The following FAM3B variants were observed in gnomAD, a reference collection of about 807,000 sequenced individuals.
FAM3B encodes protein FAM3B.
FAM3B carries 29 observed loss-of-function variants against 28.4 expected under a neutral mutation model. The ratio of observed to expected loss-of-function variants is 1.02; its 90% confidence interval spans 0.76 to 1.39. The LOEUF is 1.39. FAM3B is among the 40% of genes most tolerant of loss of function. The probability of loss-of-function intolerance (pLI) is 0.00; values close to 1 mark genes in which losing one functional copy is unlikely to be tolerated. For synonymous variants in FAM3B, 91 were observed against 103.0 expected (o/e 0.88, Z 0.71); for missense variants, 266 against 293.9 (o/e 0.91, Z 0.69).
upstream of FAM3B, among the ~76,000 whole-genome samples, chr21:41,313,500 C>G (rs9978878): frequency 6.2e-4 from 83 of 134,672 alleles, no homozygotes; most frequent in East Asian, 3.4e-3. Context: ...TGAACCTCAT[C>G]ATACAGTATG....
At chr21:41,352,615 A>G (rs1356053929) in intron 7 of FAM3B, among the ~76,000 whole-genome samples, 2 of 152,078 alleles carry the variant, frequency 1.3e-5, no homozygotes, top group African/African-American at 4.8e-5. Flanking sequence ...CAACATGGTG[A>G]AATCCCGTCT....
chr21:41,348,550 G>A (rs754788981), intron 6 of FAM3B, 42 bp from the exon 7 acceptor site: 15 of 1,612,624 alleles, frequency 9.3e-6, no homozygotes, highest in East Asian at 4.5e-5. Context: ...TCCTCTCCAC[G>A]TCTCCCTGAG....
intron 2 of FAM3B, among the ~76,000 whole-genome samples, chr21:41,335,857 A>T (rs2088951001): frequency 1.3e-5 from 2 of 152,180 alleles, no homozygotes; most frequent in South Asian, 4.1e-4. Flanking sequence ...TGTGCTTGAG[A>T]AGAATGGATA....
intron 7 of FAM3B, among the ~76,000 whole-genome samples, chr21:41,350,102 C>T (rs367586264): frequency 6.6e-6 from 1 of 152,190 alleles, no homozygotes; most frequent in Non-Finnish European, 1.5e-5. Context: ...ATAGTGAAGC[C>T]GGGGCTTACG....
chr21:41,328,998 A>C lies in FAM3B; in HGVS notation c.163+5932A>C, dbSNP rs567433961. Among the ~76,000 whole-genome samples the C allele has an allele frequency of 1.4e-4, 21 of 152,360 alleles. 1 individual carries two copies. The Middle Eastern group carries it at 0.02, about 148-fold the overall frequency. ...AGCACCAGTGCTGTTCACCCTGGTC[A>C]TGATAGCTTTTATCTTTAATTAATT... On this transcript the variant is annotated intron_variant, in intron 2 of 7. Coordinates refer to ENST00000357985, the MANE Select transcript of FAM3B (RefSeq NM_058186.4).
chr21:41,354,667 T>C (rs943959835), intron 7 of FAM3B, among the ~76,000 whole-genome samples: 1 of 151,712 alleles, frequency 6.6e-6, no homozygotes, highest in African/African-American at 2.4e-5. Flanking sequence ...CAACACACAA[T>C]AGAGGGGCCT....
rs2088859522 is a variant in FAM3B, at chr21:41,326,905, G to C, written c.163+3839G>C. ...AAGCTCCTCGTTTCCCTTCACCTAA[G>C]TTTAGCAGCTGCTGCCTCTGCCTTG... On this transcript the variant is annotated intron_variant, in intron 2 of 7. Coordinates refer to ENST00000357985, the MANE Select transcript of FAM3B (RefSeq NM_058186.4). The surrounding 1 kb of genome is among the most constrained non-coding windows in gnomAD (Gnocchi z 4.0). Among the ~76,000 whole-genome samples, 1 of 152,214 alleles carries C rather than the reference G, an allele frequency of 6.6e-6. No homozygotes were observed. Among genetic ancestry groups the C allele is most frequent in the South Asian group, 2.1e-4 (1 of 4,836 alleles).
At chr21:41,323,178 G>T in intron 2 of FAM3B, 112 bp downstream of exon 2, 3 of 1,421,314 alleles carry the variant, frequency 2.1e-6, no homozygotes, top group Non-Finnish European at 2.9e-6. Flanking sequence ...TTTATATCAG[G>T]AAGGAGGAGG....
chr21:41,345,597 A>T, intron 4 of FAM3B, 89 bp from the exon 5 acceptor site: 1 of 682,986 alleles, frequency 1.5e-6, no homozygotes. Context: ...TAGACAGGGA[A>T]GAAATATTTC....
chr21:41,323,047 G>A lies in FAM3B; in HGVS notation c.144G>A (p.Gly48=), dbSNP rs755913403. The change falls in exon 2 of 8, where the codon GGG becomes GGA. Residue 48 remains glycine (G), a synonymous_variant. Transcript: ENST00000357985. ...CTGCCTATAGCATCCGCAGCATCGG[G>A]GAGAGGCCTGTCCTCAAAGGTGAGT... ...SSAAYSIRSI[G]ERPVLKAPVP... 2 of 1,605,854 alleles carry A rather than the reference G, an allele frequency of 1.2e-6. No homozygotes were observed. Among genetic ancestry groups the A allele is most frequent in the East Asian group, 2.2e-5 (1 of 44,882 alleles).
At chr21:41,331,086 C>A (rs1690980279) in intron 2 of FAM3B, among the ~76,000 whole-genome samples, 1 of 152,236 alleles carries the variant, frequency 6.6e-6, no homozygotes, top group South Asian at 2.1e-4. Context: ...TGCTCCACAT[C>A]TTCACCAACA....
chr21:41,357,014 C>A, intron 7 of FAM3B, 94 bp from the exon 8 acceptor site: 1 of 743,524 alleles, frequency 1.3e-6, no homozygotes, highest in Non-Finnish European at 2.0e-6. Context: ...AAATCCAAAT[C>A]TAGGAAGTGG....
chr21:41,340,053 C>T (rs887882231), intron 3 of FAM3B, among the ~76,000 whole-genome samples: 6 of 151,034 alleles, frequency 4.0e-5, no homozygotes, highest in East Asian at 2.0e-4. Context: ...AGTCTAAAGG[C>T]GGGGGAGCCT....
intron 7 of FAM3B, among the ~76,000 whole-genome samples, chr21:41,353,480 G>T (rs1016766494): frequency 3.9e-5 from 6 of 152,220 alleles, no homozygotes; most frequent in Admixed American, 2.0e-4. Flanking sequence ...AAATAGAATT[G>T]AGACTCCAGC....
chr21:41,333,131 G>GT (rs57632341), intron 2 of FAM3B, among the ~76,000 whole-genome samples: 25,278 of 128,680 alleles, frequency 0.2, 2,439 homozygotes, highest in African/African-American at 0.27. Context: ...TGTGTTTCTG[G>GT]TTTTTTTTTT....
At chr21:41,343,427 A>G (rs975699153) in intron 3 of FAM3B, among the ~76,000 whole-genome samples, 1 of 152,234 alleles carries the variant, frequency 6.6e-6, no homozygotes, top group African/African-American at 2.4e-5. Flanking sequence ...TCTCCATGAG[A>G]AAGTCGGTTT....
chr21:41,339,059 G>A (rs2088981187), intron 3 of FAM3B, among the ~76,000 whole-genome samples: 1 of 152,202 alleles, frequency 6.6e-6, no homozygotes, highest in African/African-American at 2.4e-5. Flanking sequence ...CTGGATTAAA[G>A]CAGGTGTTGT....
intron 1 of FAM3B, among the ~76,000 whole-genome samples, chr21:41,308,231 A>G (rs903008766): frequency 6.6e-6 from 1 of 152,160 alleles, no homozygotes; most frequent in Non-Finnish European, 1.5e-5. Context: ...AGGATTATTC[A>G]AGGTACCTTC....
intron 3 of FAM3B, among the ~76,000 whole-genome samples, chr21:41,339,581 T>A (rs2088985598): frequency 6.6e-6 from 1 of 152,200 alleles, no homozygotes; most frequent in African/African-American, 2.4e-5. Flanking sequence ...CCCCTTAAGT[T>A]CTTCGATTTT....
Sources: gnomAD v4.1 joint callset for allele counts (sites outside exome capture counted in the v4.1 genomes callset) on GRCh38, gnomAD v4.1.1 for gene constraint, Gnocchi (gnomAD v3.1) non-coding constraint, MANE v1.5 for transcripts, NCBI Gene and HGNC (gene_info 2026-07-23, HGNC 2026-07-21) for gene names.